NUDCD3: variants seen among roughly 807,000 people sequenced by gnomAD.
The protein encoded by NUDCD3 is nudC domain-containing protein 3.
In NUDCD3, 13 loss-of-function variants were observed where a neutral mutation model predicts 39.7. The ratio of observed to expected loss-of-function variants is 0.33; its 90% CI spans 0.21 to 0.52. NUDCD3 has a LOEUF of 0.52. NUDCD3 is among the 20% of genes least tolerant of loss of function. The probability of loss-of-function intolerance (pLI) is 0.96; values close to 1 mark genes in which losing one functional copy is unlikely to be tolerated. For synonymous variants in NUDCD3, 175 were observed against 172.4 expected (o/e 1.02, Z -0.12); for missense variants, 453 against 458.1 (o/e 0.99, Z 0.10).
At chr7:44,474,782 G>A (rs951791972) in intron 2 of NUDCD3, among the ~76,000 whole-genome samples, 3 of 152,164 alleles carry the variant, frequency 2.0e-5, no homozygotes, top group African/African-American at 7.2e-5. Context: ...CTTAAATCAG[G>A]TTTTCCTGAC....
intron 4 of NUDCD3, among the ~76,000 whole-genome samples, chr7:44,394,541 T>C (rs181959368): frequency 2.0e-5 from 3 of 152,176 alleles, no homozygotes; most frequent in East Asian, 1.9e-4. Context: ...AAAGAAGAGA[T>C]CCTTTACGAA....
At chr7:44,418,326 C>T (rs562266345) in intron 3 of NUDCD3, among the ~76,000 whole-genome samples, 3 of 152,318 alleles carry the variant, frequency 2.0e-5, no homozygotes, top group African/African-American at 2.4e-5. Flanking sequence ...GCACATGAGA[C>T]GTGTTCCAGG....
chr7:44,489,131 T>C (rs1405719715), intron 1 of NUDCD3, among the ~76,000 whole-genome samples: 1 of 152,220 alleles, frequency 6.6e-6, no homozygotes, highest in Non-Finnish European at 1.5e-5. Flanking sequence ...TGGCTGTGTG[T>C]TCTTGGTCAA....
chr7:44,443,150 C>A (rs1196423153), intron 2 of NUDCD3, among the ~76,000 whole-genome samples: 2 of 152,070 alleles, frequency 1.3e-5, no homozygotes, highest in Non-Finnish European at 2.9e-5. Flanking sequence ...GGAGCCCTAC[C>A]TTCTAGAAAG....
At chr7:44,392,525 A>G (rs1798540754) in intron 4 of NUDCD3, 40 bp from the exon 5 acceptor site, 1 of 1,587,740 alleles carries the variant, frequency 6.3e-7, no homozygotes, top group Non-Finnish European at 8.6e-7. Flanking sequence ...CAGAGACCTG[A>G]GACAGGTGTC....
intron 2 of NUDCD3, among the ~76,000 whole-genome samples, chr7:44,469,192 G>A (rs1455089693): frequency 6.9e-6 from 1 of 145,260 alleles, no homozygotes; most frequent in Non-Finnish European, 1.5e-5. Context: ...CCCCTTACCT[G>A]TTTCAACCCT....
At chr7:44,429,966 T>C (rs1799322065) in intron 2 of NUDCD3, among the ~76,000 whole-genome samples, 1 of 152,244 alleles carries the variant, frequency 6.6e-6, no homozygotes, top group African/African-American at 2.4e-5. Flanking sequence ...GTGGGTATTA[T>C]TACTTTTAAG....
At chr7:44,467,813 T>G (rs1585099059) in intron 2 of NUDCD3, 1 of 940,438 alleles carries the variant, frequency 1.1e-6, no homozygotes, top group Middle Eastern at 2.8e-4. Context: ...AACTAAGACC[T>G]CAGTAAAAAA....
chr7:44,473,951 T>C (rs1292378407), intron 2 of NUDCD3, among the ~76,000 whole-genome samples: 4 of 152,192 alleles, frequency 2.6e-5, no homozygotes, highest in African/African-American at 4.8e-5. Context: ...TTTCTTTTAA[T>C]TAGGACACTA....
At chr7:44,467,940 A>C (rs574068701) in intron 2 of NUDCD3, 1 of 1,609,492 alleles carries the variant, frequency 6.2e-7, no homozygotes, top group African/African-American at 1.3e-5. Flanking sequence ...ATCGTCAAAA[A>C]GAGAACCAAG....
chr7:44,480,266 G>A (rs1800459938), intron 2 of NUDCD3, among the ~76,000 whole-genome samples: 2 of 152,046 alleles, frequency 1.3e-5, no homozygotes, highest in African/African-American at 4.8e-5. Flanking sequence ...ATTTTTTAGA[G>A]ATCATAAAAG....
intron 3 of NUDCD3, among the ~76,000 whole-genome samples, chr7:44,420,476 T>G (rs1218541390): frequency 6.6e-6 from 1 of 151,978 alleles, no homozygotes; most frequent in African/African-American, 2.4e-5. Context: ...CAGGCCAACA[T>G]GCAAATTCAG....
chr7:44,390,840 T>C (rs752756183), intron 5 of NUDCD3, among the ~76,000 whole-genome samples: 21 of 152,186 alleles, frequency 1.4e-4, no homozygotes, highest in Non-Finnish European at 2.6e-4. Flanking sequence ...GAATGAGCCA[T>C]AACCAGGCAG....
At chr7:44,399,135 G>A (rs114210624) in intron 4 of NUDCD3, among the ~76,000 whole-genome samples, 94 of 152,258 alleles carry the variant, frequency 6.2e-4, no homozygotes, top group African/African-American at 1.9e-3. Context: ...CCCATGAAAC[G>A]AGGGTGCCCA....
At chr7:44,480,094 T>G (rs1449249366) in intron 2 of NUDCD3, among the ~76,000 whole-genome samples, 2 of 152,200 alleles carry the variant, frequency 1.3e-5, no homozygotes, top group Non-Finnish European at 2.9e-5. Context: ...ATCCAAGTCT[T>G]CACTCTATAC....
chr7:44,412,342 G>A (rs1002078401), intron 3 of NUDCD3, among the ~76,000 whole-genome samples: 1 of 152,132 alleles, frequency 6.6e-6, no homozygotes, highest in Admixed American at 6.5e-5. Context: ...TGTAACAGAT[G>A]GTGTATACAA....
rs1302253438 is a variant in NUDCD3, at chr7:44,380,845, A to C, written c.*5166T>G. ...GCTAGAGGGGCCTCCTCCAAACCCC[A>C]CAGTGCCCCAACAACACTTCCTGTC... On this transcript the variant is annotated 3_prime_UTR_variant, in exon 6 of 6. Transcript: ENST00000355451. 1 of 152,244 alleles carries C rather than the reference A, an allele frequency of 6.6e-6. No individual in the cohort carries two copies. Among genetic ancestry groups the C allele is most frequent in the Non-Finnish European group, 1.5e-5 (1 of 68,080 alleles). The allele number at this position is 152,244 out of a possible 1,614,324, so 9.4% of individuals were successfully genotyped here.
At chr7:44,440,303 T>C (rs906319249) in intron 2 of NUDCD3, among the ~76,000 whole-genome samples, 2 of 152,116 alleles carry the variant, frequency 1.3e-5, no homozygotes, top group African/African-American at 2.4e-5. Context: ...AAACACTACA[T>C]AGACCCAAAT....
At chr7:44,424,781 T>C (rs1049832543) in intron 3 of NUDCD3, among the ~76,000 whole-genome samples, 2 of 152,164 alleles carry the variant, frequency 1.3e-5, no homozygotes, top group African/African-American at 4.8e-5. Context: ...AACAATCCCA[T>C]TACTGGGTAT....
Sources: gnomAD v4.1 joint callset for allele counts (sites outside exome capture counted in the v4.1 genomes callset) on GRCh38, gnomAD v4.1.1 for gene constraint, MANE v1.5 for transcripts, NCBI Gene and HGNC (gene_info 2026-07-23, HGNC 2026-07-21) for gene names.